Variants in MEGF6 observed in about 807,000 individuals in gnomAD.
The protein encoded by MEGF6 is multiple EGF like domains 6, also known as multiple epidermal growth factor-like domains protein 6.
A neutral mutation model predicts 207.1 loss-of-function variants in MEGF6; 184 were observed. That is an observed-to-expected ratio of 0.89 (90% CI 0.79 to 1.00). MEGF6 has a LOEUF of 1.00. Among genes scored for constraint, MEGF6 ranks in the 50% least tolerant of loss-of-function variants. The pLI, the probability that MEGF6 is intolerant of heterozygous loss-of-function variation, is 0.00. For missense variants in MEGF6, 2,282 were observed against 2,202.9 expected (o/e 1.04, Z -0.72); for synonymous variants, 1,038 against 910.0 (o/e 1.14, Z -2.53).
intron 4 of MEGF6, among the ~76,000 whole-genome samples, chr1:3,559,098 C>T (rs920275485): frequency 6.6e-6 from 1 of 152,196 alleles, no homozygotes; most frequent in Non-Finnish European, 1.5e-5. Context: ...CATCACTCAT[C>T]CCCTCCCTCT....
intron 4 of MEGF6, among the ~76,000 whole-genome samples, chr1:3,543,552 C>G (rs1010378367): frequency 1.3e-5 from 2 of 152,230 alleles, no homozygotes; most frequent in African/African-American, 4.8e-5. Flanking sequence ...ACACGCAGAG[C>G]TGGGGGTGAG....
At chr1:3,601,424 G>A (rs772056229) in intron 2 of MEGF6, among the ~76,000 whole-genome samples, 2 of 152,248 alleles carry the variant, frequency 1.3e-5, no homozygotes, top group Non-Finnish European at 2.9e-5. Flanking sequence ...GGAAAACAAT[G>A]AGAGGAGATT....
intron 3 of MEGF6, among the ~76,000 whole-genome samples, chr1:3,583,886 G>C (rs371446943): frequency 3.1e-3 from 256 of 82,172 alleles, no homozygotes; most frequent in Middle Eastern, 6.8e-3. Flanking sequence ...ACCAGACAAC[G>C]CGCAGCCACC....
At chr1:3,614,783 C>T (rs557835291), upstream of MEGF6, among the ~76,000 whole-genome samples, 64 of 152,302 alleles carry the variant, frequency 4.2e-4, no homozygotes, top group African/African-American at 1.3e-3. Context: ...TTCTGCTGTC[C>T]GCCGTGAAGG....
chr1:3,503,731 T>C (rs1640995829), intron 17 of MEGF6, among the ~76,000 whole-genome samples: 1 of 149,410 alleles, frequency 6.7e-6, no homozygotes, highest in African/African-American at 2.5e-5. Flanking sequence ...GGTGTGTGCA[T>C]GTATGTGTGT....
chr1:3,566,285 G>A (rs566036707), intron 4 of MEGF6, among the ~76,000 whole-genome samples: 4 of 152,318 alleles, frequency 2.6e-5, no homozygotes, highest in Admixed American at 6.5e-5. Context: ...GCAGCCCCTC[G>A]CTTGCAGAGC....
chr1:3,615,692 C>T (rs1039536877), upstream of MEGF6, among the ~76,000 whole-genome samples: 2 of 152,256 alleles, frequency 1.3e-5, no homozygotes, highest in Non-Finnish European at 2.9e-5. Flanking sequence ...CCCTGAGCCA[C>T]AGCACCTGGC....
chr1:3,591,878 G>A (rs1041195866), intron 3 of MEGF6, among the ~76,000 whole-genome samples: 1 of 146,674 alleles, frequency 6.8e-6, no homozygotes, highest in Non-Finnish European at 1.5e-5. Context: ...GGGCACCAGC[G>A]AGGGGGCTGG....
chr1:3,504,707 G>A (rs1434288407), intron 17 of MEGF6, among the ~76,000 whole-genome samples: 1 of 152,114 alleles, frequency 6.6e-6, no homozygotes, highest in Non-Finnish European at 1.5e-5. Context: ...GGGGCTCCCA[G>A]GCTCTGTGCC....
intron 26 of MEGF6, 186 bp from the exon 27 acceptor site, chr1:3,497,547 C>A: frequency 1.2e-6 from 1 of 825,838 alleles, no homozygotes. Flanking sequence ...GCCCCGGTGG[C>A]AAGGTGGCAG....
intron 4 of MEGF6, among the ~76,000 whole-genome samples, chr1:3,555,996 A>AC (rs1441327424): frequency 1.3e-5 from 2 of 152,188 alleles, no homozygotes; most frequent in African/African-American, 2.4e-5. Context: ...CTGCCCGCCC[A>AC]CCCACAGGAC....
At chr1:3,616,555 G>C in the MEGF6 span, among the ~76,000 whole-genome samples, 1 of 152,158 alleles carries the variant, frequency 6.6e-6, no homozygotes, top group Admixed American at 6.5e-5. Flanking sequence ...CCAGAGACGG[G>C]GGTGAGAGAG....
At chr1:3,525,517 CG>C (rs1322898162) in intron 4 of MEGF6, among the ~76,000 whole-genome samples, 7 of 152,242 alleles carry the variant, frequency 4.6e-5, no homozygotes, top group African/African-American at 1.4e-4. Context: ...CCTGAACAAG[CG>C]TGGCTGAAGA....
intron 18 of MEGF6, 136 bp from the exon 19 acceptor site, chr1:3,501,444 G>GGGAGA: frequency 1.5e-6 from 2 of 1,326,946 alleles, no homozygotes; most frequent in Non-Finnish European, 2.0e-6. Context: ...CCCCGGGGAG[G>GGGAGA]GGAGAGGACC....
chr1:3,528,175 GCCAGACAACCT>G (rs914351280), intron 4 of MEGF6, among the ~76,000 whole-genome samples: 1 of 152,244 alleles, frequency 6.6e-6, no homozygotes, highest in Non-Finnish European at 1.5e-5. Context: ...CAGGCACTGG[GCCAGACAACCT>G]CCTGCTGGGG....
chr1:3,544,365 C>T (rs1056144913), intron 4 of MEGF6, among the ~76,000 whole-genome samples: 1 of 151,674 alleles, frequency 6.6e-6, no homozygotes, highest in Non-Finnish European at 1.5e-5. Flanking sequence ...TCCCCTCTGC[C>T]CCCAGCACCG....
upstream of MEGF6, among the ~76,000 whole-genome samples, chr1:3,615,688 G>A (rs1208866542): frequency 3.3e-5 from 5 of 152,228 alleles, no homozygotes; most frequent in African/African-American, 1.2e-4. Context: ...AGGGCCCTGA[G>A]CCACAGCACC....
At chr1:3,510,448 GCGC>G (rs1641298773) in intron 10 of MEGF6, among the ~76,000 whole-genome samples, 1 of 151,540 alleles carries the variant, frequency 6.6e-6, no homozygotes, top group Non-Finnish European at 1.5e-5. Flanking sequence ...CACGCAGCAG[GCGC>G]TCAACCAACA....
In MEGF6 at chr1:3,489,264, C is replaced by T. The variant is rs1053356492; in HGVS notation, c.*1264G>A. On this transcript the variant is annotated 3_prime_UTR_variant, in exon 37 of 37. Transcript: ENST00000356575. ...CAACCAAGCTCACTGGACTCCTCCTCCTCCTGCTGGTGAAATTGTCTGCCC... is the reference window on the plus strand; with the variant it reads ...CAACCAAGCTCACTGGACTCCTCCTTCTCCTGCTGGTGAAATTGTCTGCCC... Among the ~76,000 whole-genome samples the T allele has an allele frequency of 2.6e-5, 4 of 152,246 alleles. No homozygotes were observed. Among genetic ancestry groups the T allele is most frequent in the Admixed American group, 6.5e-5 (1 of 15,278 alleles).
Sources: allele counts gnomAD v4.1 joint callset (sites outside exome capture counted in the v4.1 genomes callset), GRCh38; gene constraint gnomAD v4.1.1; transcripts MANE v1.5; gene names NCBI Gene and HGNC (gene_info 2026-07-23, HGNC 2026-07-21).